ASIC2: variants seen among roughly 807,000 people sequenced by gnomAD.
The protein encoded by ASIC2 is acid-sensing ion channel 2.
A neutral mutation model predicts 57.3 loss-of-function variants in ASIC2; 25 were observed. The observed-to-expected ratio is 0.44, with a 90% confidence interval of 0.32 to 0.61. ASIC2 has a LOEUF of 0.61. Ranked by LOEUF, ASIC2 falls within the 20% of genes least tolerant of loss-of-function variation. ASIC2 has a pLI of 0.06. For missense variants in ASIC2, 641 were observed against 738.1 expected, an observed-to-expected ratio of 0.87 and a Z score of 1.52; for synonymous variants, 319 against 307.5, an observed-to-expected ratio of 1.04 and a Z score of -0.39.
intron 1 of ASIC2, among the ~76,000 whole-genome samples, chr17:33,817,470 A>G (rs1436492601): frequency 6.6e-6 from 1 of 152,108 alleles, no homozygotes; most frequent in Non-Finnish European, 1.5e-5. Context: ...CCTTCTGCTT[A>G]GTCTTGGATT....
intron 1 of ASIC2, among the ~76,000 whole-genome samples, chr17:33,204,996 A>G (rs1907008841): frequency 6.6e-6 from 1 of 152,228 alleles, no homozygotes; most frequent in Non-Finnish European, 1.5e-5. Context: ...ATGACCTGAT[A>G]AGGTCTCTTG....
chr17:33,979,383 G>T (rs1455013163), intron 1 of ASIC2, among the ~76,000 whole-genome samples: 3 of 152,122 alleles, frequency 2.0e-5, no homozygotes, highest in Non-Finnish European at 4.4e-5. Context: ...CAGAAACCCT[G>T]ACTTCTCCCC....
At chr17:33,335,191 G>T (rs1434076236) in intron 1 of ASIC2, among the ~76,000 whole-genome samples, 1 of 152,178 alleles carries the variant, frequency 6.6e-6, no homozygotes, top group Non-Finnish European at 1.5e-5. Flanking sequence ...AATGATAATT[G>T]TCAGGCACTT....
chr17:33,787,246 G>A (rs975724798), intron 1 of ASIC2, among the ~76,000 whole-genome samples: 1 of 152,234 alleles, frequency 6.6e-6, no homozygotes, highest in Non-Finnish European at 1.5e-5. Flanking sequence ...AGGCCCCAGA[G>A]GTCCCAGAGC....
At chr17:33,137,817 G>A (rs996177567) in intron 1 of ASIC2, among the ~76,000 whole-genome samples, 2 of 152,190 alleles carry the variant, frequency 1.3e-5, no homozygotes, top group Non-Finnish European at 2.9e-5. Flanking sequence ...CACCTGACTT[G>A]TTCTCCAAAT....
At chr17:33,851,703 T>C (rs962850218) in intron 1 of ASIC2, among the ~76,000 whole-genome samples, 1 of 152,310 alleles carries the variant, frequency 6.6e-6, no homozygotes, top group South Asian at 2.1e-4. Context: ...CTCTACCCTC[T>C]AGACGCCAGT....
chr17:33,594,625 G>A (rs138231055), intron 1 of ASIC2, among the ~76,000 whole-genome samples: 1,538 of 151,804 alleles, frequency 0.01, 26 homozygotes, highest in African/African-American at 0.036. Context: ...TCAGAAGATC[G>A]AGACCATCCT....
chr17:34,032,012 T>C (rs1007245470), intron 1 of ASIC2, among the ~76,000 whole-genome samples: 19 of 151,960 alleles, frequency 1.3e-4, no homozygotes, highest in Non-Finnish European at 2.2e-4. Context: ...ATACAGAGAA[T>C]GCCACAAAGA....
intron 1 of ASIC2, among the ~76,000 whole-genome samples, chr17:33,472,877 C>A (rs1456652213): frequency 6.6e-6 from 1 of 152,144 alleles, no homozygotes; most frequent in Non-Finnish European, 1.5e-5. Context: ...CTAATCTTGA[C>A]TTCTAATCCT....
At chr17:33,104,085 T>A (rs1351316196) in intron 2 of ASIC2, among the ~76,000 whole-genome samples, 2 of 152,226 alleles carry the variant, frequency 1.3e-5, no homozygotes, top group Admixed American at 1.3e-4. Context: ...TCGTGTAATC[T>A]GCCAAGTCGA....
rs1175692814 is a variant in ASIC2, at chr17:34,036,679, TG to T, written c.555+119298del. 668 of 77,944 alleles carry T rather than the reference TG, an allele frequency of 8.6e-3. 1 individual carries two copies. Among genetic ancestry groups the T allele is most frequent in the African/African-American group, 0.027 (285 of 10,430 alleles). 4.8% of individuals were successfully genotyped at this position (77,944 alleles called of 1,614,324 possible). ...GTATACTATATTGATACTTTGAATT[TG>T]TTTTTTTTTTTTTTTTTTTTTTTTG... On this transcript the variant is annotated intron_variant, in intron 1 of 9. Transcript: ENST00000359872.
chr17:33,277,035 G>A (rs1399843802), intron 1 of ASIC2, among the ~76,000 whole-genome samples: 1 of 152,156 alleles, frequency 6.6e-6, no homozygotes, highest in Non-Finnish European at 1.5e-5. Flanking sequence ...GAGCTTGACA[G>A]GAATGCAGAA....
chr17:33,919,288 C>A (rs1443941023), intron 1 of ASIC2, among the ~76,000 whole-genome samples: 2 of 152,068 alleles, frequency 1.3e-5, no homozygotes, highest in East Asian at 3.9e-4. Flanking sequence ...CGCTGATGAG[C>A]CCAAAAACCC....
intron 1 of ASIC2, among the ~76,000 whole-genome samples, chr17:33,785,113 A>G (rs1911563931): frequency 6.6e-6 from 1 of 152,124 alleles, no homozygotes; most frequent in African/African-American, 2.4e-5. Flanking sequence ...TAAAAAAAAA[A>G]TGAGGGCATT....
At chr17:33,303,865 G>T (rs1372169111) in intron 1 of ASIC2, among the ~76,000 whole-genome samples, 2 of 152,074 alleles carry the variant, frequency 1.3e-5, no homozygotes, top group Non-Finnish European at 1.5e-5. Flanking sequence ...ATTCAAAATG[G>T]TTTTCTGAAA....
chr17:33,412,911 C>T (rs1910714266), intron 1 of ASIC2, among the ~76,000 whole-genome samples: 1 of 152,092 alleles, frequency 6.6e-6, no homozygotes, highest in South Asian at 2.1e-4. Context: ...ATGGCTAAAC[C>T]AGATGAGAAG....
At chr17:33,962,561 T>G (rs968017174) in intron 1 of ASIC2, among the ~76,000 whole-genome samples, 1 of 152,144 alleles carries the variant, frequency 6.6e-6, no homozygotes, top group African/African-American at 2.4e-5. Context: ...GGGATGTCTC[T>G]TCTGTTATCA....
intron 1 of ASIC2, among the ~76,000 whole-genome samples, chr17:33,348,586 G>A (rs1908041857): frequency 6.6e-6 from 1 of 152,110 alleles, no homozygotes; most frequent in South Asian, 2.1e-4. Flanking sequence ...ACAACACCAG[G>A]GTGAGAGGGT....
chr17:33,050,731 C>A (rs139296668), intron 3 of ASIC2, among the ~76,000 whole-genome samples: 94 of 152,264 alleles, frequency 6.2e-4, no homozygotes, highest in African/African-American at 2.2e-3. Context: ...AAATAACCTT[C>A]ATTCAAGCCT....
Sources: gnomAD v4.1 joint callset for allele counts (sites outside exome capture counted in the v4.1 genomes callset) on GRCh38, gnomAD v4.1.1 for gene constraint, MANE v1.5 for transcripts, NCBI Gene and HGNC (gene_info 2026-07-23, HGNC 2026-07-21) for gene names.